The following GNAI3 variants were observed in gnomAD, a reference collection of about 807,000 sequenced individuals.
GNAI3 encodes the protein G protein subunit alpha i3.
GNAI3 carries 12 observed loss-of-function variants against 41.8 expected under a neutral mutation model. The observed-to-expected ratio is 0.29, with a 90% CI of 0.18 to 0.47. The LOEUF is 0.47. GNAI3 is among the 20% of genes least tolerant of loss of function. GNAI3 has a pLI of 1.00. For missense variants in GNAI3, 360 were observed against 429.6 expected (o/e 0.84, Z 1.43); for synonymous variants, 132 against 146.5 (o/e 0.90, Z 0.71).
intron 1 of GNAI3, among the ~76,000 whole-genome samples, chr1:109,561,212 A>G (rs1214168301): frequency 1.3e-5 from 2 of 152,150 alleles, no homozygotes; most frequent in Non-Finnish European, 2.9e-5. Context: ...ATCCACATTC[A>G]TGTCCCCAGC....
chr1:109,552,724 GT>G (rs937081210), intron 1 of GNAI3, among the ~76,000 whole-genome samples: 3 of 148,462 alleles, frequency 2.0e-5, no homozygotes, highest in South Asian at 2.1e-4. Flanking sequence ...TTTTGTTTTT[GT>G]TTTTTTTTGA....
intron 1 of GNAI3, among the ~76,000 whole-genome samples, chr1:109,554,126 G>A (rs1204810365): frequency 6.6e-6 from 1 of 151,740 alleles, no homozygotes; most frequent in Non-Finnish European, 1.5e-5. Context: ...TTATCCACTC[G>A]TTGATTGATG....
chr1:109,553,086 C>A (rs931859057), intron 1 of GNAI3, among the ~76,000 whole-genome samples: 1 of 152,088 alleles, frequency 6.6e-6, no homozygotes, highest in East Asian at 1.9e-4. Flanking sequence ...TGATGATGAT[C>A]GTGAGAATTA....
rs1214758750 is a variant in GNAI3 at position 109,574,765 on chromosome 1, A to G, written c.303+728A>G. Among the ~76,000 whole-genome samples, 43 of 152,290 alleles carry G rather than the reference A, an allele frequency of 2.8e-4. 1 individual carries two copies. Among genetic ancestry groups the G allele is most frequent in the Admixed American group, 2.8e-3 (43 of 15,296 alleles). ...CCAGAGAAGGCTGGGAAATTATAGA[A>G]TTATTTCCTACATCTAAGGGACTCA... On this transcript the variant is annotated intron_variant, in intron 3 of 8. Coordinates refer to ENST00000369851, the MANE Select transcript of GNAI3 (RefSeq NM_006496.4).
At chr1:109,575,084 C>G (rs1648700883) in intron 3 of GNAI3, among the ~76,000 whole-genome samples, 1 of 152,062 alleles carries the variant, frequency 6.6e-6, no homozygotes, top group South Asian at 2.1e-4. Context: ...AGACTTGTAT[C>G]AAAAAATAAG....
rs907707122 is a variant in GNAI3 at position 109,584,812 on chromosome 1, T to C, written c.591-1404T>C. On this transcript the variant is annotated intron_variant, in intron 5 of 8. Transcript: ENST00000369851. ...GAACTTCACAGTGTTATACAGACTT[T>C]GTAGAAGAAAATGGGGGAGTAAATT... Among the ~76,000 whole-genome samples, 119 of 152,368 alleles carry C rather than the reference T, an allele frequency of 7.8e-4. 1 individual carries two copies. Among genetic ancestry groups the C allele is most frequent in the Middle Eastern group, 3.4e-3 (1 of 294 alleles).
At chr1:109,584,763 A>T (rs1319708023) in intron 5 of GNAI3, among the ~76,000 whole-genome samples, 1 of 152,246 alleles carries the variant, frequency 6.6e-6, no homozygotes, top group Non-Finnish European at 1.5e-5. Context: ...TGTAAATGTT[A>T]ATATGTGCTA....
At chr1:109,580,553 T>C (rs919187504) in intron 4 of GNAI3, among the ~76,000 whole-genome samples, 3 of 152,214 alleles carry the variant, frequency 2.0e-5, no homozygotes, top group African/African-American at 7.2e-5. Context: ...TGTGTGAACA[T>C]TGTAGAGTAT....
At chr1:109,555,961 TGC>T (rs1426317918) in intron 1 of GNAI3, among the ~76,000 whole-genome samples, 6 of 98,678 alleles carry the variant, frequency 6.1e-5, no homozygotes, top group African/African-American at 9.7e-5. Context: ...AGTGCGTGCG[TGC>T]GTGTGTGTGT....
At chr1:109,584,482 A>G (rs1648988689) in intron 5 of GNAI3, among the ~76,000 whole-genome samples, 1 of 152,238 alleles carries the variant, frequency 6.6e-6, no homozygotes, top group Non-Finnish European at 1.5e-5. Flanking sequence ...GTCTTTAGTT[A>G]GGCAAATCCT....
At chr1:109,561,249 T>A (rs1288047721) in intron 1 of GNAI3, among the ~76,000 whole-genome samples, 1 of 152,220 alleles carries the variant, frequency 6.6e-6, no homozygotes, top group Non-Finnish European at 1.5e-5. Context: ...CTTTCAACTT[T>A]TTCTAGACTA....
In GNAI3 at chr1:109,564,859, T is replaced by G. The variant is rs186267735; in HGVS notation, c.119-8878T>G. On this transcript the variant is annotated intron_variant, in intron 1 of 8. Coordinates refer to ENST00000369851, the MANE Select transcript of GNAI3 (RefSeq NM_006496.4). ...TTATCAGAATTTTCTTATGTGCCCT[T>G]TAAGCCTTTTTGGTAATCGGTATGT... is the stretch of plus-strand genomic sequence containing the variant. 2.0e-5 allele frequency among the ~76,000 whole-genome samples: 3 copies of G among 152,360 alleles called. No individual in the cohort carries two copies. The East Asian group carries it at 5.8e-4, about 29-fold the overall frequency.
chr1:109,567,231 G>A (rs1251532097), intron 1 of GNAI3, among the ~76,000 whole-genome samples: 1 of 152,110 alleles, frequency 6.6e-6, no homozygotes, highest in African/African-American at 2.4e-5. Flanking sequence ...CTGGGACTTG[G>A]CTGTCCAGAC....
At chr1:109,573,585 G>T (rs1056701676) in intron 1 of GNAI3, 152 bp from the exon 2 acceptor site, 1 of 628,468 alleles carries the variant, frequency 1.6e-6, no homozygotes, top group African/African-American at 1.8e-5. Flanking sequence ...TAGTGGAGAA[G>T]CTCCATACAT....
chr1:109,583,007 C>A (rs1648933095), intron 5 of GNAI3, among the ~76,000 whole-genome samples: 1 of 152,078 alleles, frequency 6.6e-6, no homozygotes, highest in South Asian at 2.1e-4. Flanking sequence ...CTTTTCTCAC[C>A]AGTGTCACTT....
intron 7 of GNAI3, 21 bp from the exon 8 acceptor site, chr1:109,592,022 A>T: frequency 6.5e-7 from 1 of 1,539,260 alleles, no homozygotes; most frequent in Non-Finnish European, 8.9e-7. Context: ...TTGAACTGAG[A>T]GTACTGGGTG....
In GNAI3 at chr1:109,598,110, ATC is replaced by A. The variant is rs1219267657; in HGVS notation, c.*5790_*5791del. The A allele has an allele frequency of 1.3e-5, 2 of 152,272 alleles. No individual in the cohort carries two copies. Among genetic ancestry groups the A allele is most frequent in the African/African-American group, 4.8e-5 (2 of 41,472 alleles). 9.4% of individuals were successfully genotyped at this position (152,272 alleles called of 1,614,324 possible). On this transcript the variant is annotated 3_prime_UTR_variant, in exon 9 of 9. Coordinates refer to ENST00000369851, the MANE Select transcript of GNAI3 (RefSeq NM_006496.4). Reference sequence around the variant, plus strand: ...TATTAAATTATGAACAACCTGGTTTATCTGTCTCCTCTTATCTTTTACCTCTC... The same window carrying A: ...TATTAAATTATGAACAACCTGGTTTATGTCTCCTCTTATCTTTTACCTCTC...
chr1:109,586,722 T>G lies in GNAI3; in HGVS notation c.721-7T>G. 1.3e-6 allele frequency: 2 copies of G among 1,586,176 alleles called. No individual in the cohort carries two copies. Among genetic ancestry groups the G allele is most frequent in the Non-Finnish European group, 1.7e-6 (2 of 1,165,392 alleles). ...TACTGACCTATCATCCTTTATTTCT[T>G]TTTCAGAACCGAATGCATGAAAGCA... On this transcript the variant is annotated splice_polypyrimidine_tract_variant and splice_region_variant and intron_variant, in intron 6 of 8. Transcript: ENST00000369851.
intron 1 of GNAI3, among the ~76,000 whole-genome samples, chr1:109,559,826 T>G (rs1648261621): frequency 6.6e-6 from 1 of 152,228 alleles, no homozygotes; most frequent in African/African-American, 2.4e-5. Context: ...AGTAATCAGC[T>G]GTATCATTTC....
Sources: gnomAD v4.1 joint callset for allele counts (sites outside exome capture counted in the v4.1 genomes callset) on GRCh38, gnomAD v4.1.1 for gene constraint, MANE v1.5 for transcripts, NCBI Gene and HGNC (gene_info 2026-07-23, HGNC 2026-07-21) for gene names.